Variants in RTTN observed in about 807,000 individuals in gnomAD.
The protein encoded by RTTN is rotatin.
A neutral mutation model predicts 269.2 loss-of-function variants in RTTN; 182 were observed. The ratio of observed to expected loss-of-function variants is 0.68; its 90% CI spans 0.60 to 0.76. The LOEUF is 0.76. RTTN is among the 30% of genes least tolerant of loss of function. The pLI, the probability that RTTN is intolerant of heterozygous loss-of-function variation, is 0.00. For missense variants in RTTN, 2,545 were observed against 2,608.6 expected (o/e 0.98, Z 0.53); for synonymous variants, 1,006 against 963.5 (o/e 1.04, Z -0.82).
rs928351502 is a variant in RTTN, at chr18:70,003,112, C to G, written c.*1039G>C. On this transcript the variant is annotated 3_prime_UTR_variant, in exon 49 of 49. Transcript: ENST00000640769. ...AATGCAGTGGCATGATCTCAGCTCA[C>G]TGCAACCTCCCTGCCTCCCAGGTTG... The G allele has an allele frequency of 7.0e-6, 1 of 142,870 alleles. No individual in the cohort carries two copies. The allele number at this position is 142,870 out of a possible 1,614,324, so 8.9% of individuals were successfully genotyped here. A position where few individuals can be genotyped will look rare whatever the true frequency, so the allele number is the denominator to read the frequency against.
intron 10 of RTTN, among the ~76,000 whole-genome samples, chr18:70,181,710 C>T (rs2061426058): frequency 2.0e-5 from 3 of 152,124 alleles, no homozygotes; most frequent in South Asian, 2.1e-4. Flanking sequence ...ATACTGCTTC[C>T]GTCTTTCTTT....
intron 43 of RTTN, among the ~76,000 whole-genome samples, chr18:70,028,307 A>G (rs943706963): frequency 1.3e-5 from 2 of 151,952 alleles, no homozygotes; most frequent in African/African-American, 2.4e-5. Flanking sequence ...GGATGTGGCC[A>G]CACTAGGTAG....
intron 32 of RTTN, among the ~76,000 whole-genome samples, chr18:70,081,759 G>A (rs1450813582): frequency 6.6e-6 from 1 of 152,108 alleles, no homozygotes; most frequent in African/African-American, 2.4e-5. Context: ...CTGGATCTTG[G>A]ATCCAGGATT....
intron 46 of RTTN, among the ~76,000 whole-genome samples, chr18:70,009,875 TGGAG>T (rs1329653517): frequency 6.6e-6 from 1 of 151,062 alleles, no homozygotes; most frequent in African/African-American, 2.4e-5. Flanking sequence ...AATAAAGGGA[TGGAG>T]GAAGATTTAC....
intron 36 of RTTN, among the ~76,000 whole-genome samples, chr18:70,058,279 G>A (rs1196493082): frequency 6.6e-6 from 1 of 152,210 alleles, no homozygotes; most frequent in African/African-American, 2.4e-5. Flanking sequence ...CACTTTGGGA[G>A]GCCAAGGTGG....
At position 70,135,246 on chromosome 18, in the gene RTTN, CACG is replaced by C; in HGVS notation, c.2820_2822del (p.Val941del). The stretch of plus-strand genomic sequence containing the variant: ...GACAAAATAGTGCTCCAACTTCAGT[CACG>C]ACACTACAATCTTCATGAAATATTA... On this transcript the variant is annotated inframe_deletion, in exon 22 of 49. Coordinates refer to ENST00000640769, the MANE Select transcript of RTTN (RefSeq NM_173630.4). 1.3e-6 allele frequency: 2 copies of C among 1,544,722 alleles called. No individual in the cohort carries two copies. The highest frequency in any genetic ancestry group is 1.7e-6 in the Non-Finnish European group (2 of 1,153,570).
rs773034780 is a variant in RTTN, at chr18:70,020,642, C to T, written c.6126G>A (p.Ser2042=). Residue 2042 remains serine, a synonymous_variant, in exon 45 of 49, where the codon TCG becomes TCA. Transcript: ENST00000640769. The part of the protein sequence containing the change: ...VFMLLSNLAL[S]HDCKGVIQKS... ...TCTGAATTACTCCTTTACAGTCATG[C>T]GACAAGGCCAGGTTTGAAAGAAGCA... 3.0e-5 allele frequency: 48 copies of T among 1,613,718 alleles called. No homozygotes were observed. Among genetic ancestry groups the T allele is most frequent in the Middle Eastern group, 3.3e-4 (2 of 6,082 alleles).
chr18:70,117,543 A>C (rs2059631760), intron 26 of RTTN, among the ~76,000 whole-genome samples: 1 of 152,074 alleles, frequency 6.6e-6, no homozygotes, highest in African/African-American at 2.4e-5. Context: ...TTTCCGAAGA[A>C]AGGTTTAATA....
Position 70,020,816 on chromosome 18 carries a change from A to T in RTTN, c.5952T>A (p.Gly1984=). The change falls in exon 45 of 49, where the codon GGT becomes GGA. Residue 1984 remains glycine (G), a splice_region_variant and synonymous_variant. Transcript: ENST00000640769. The part of the protein sequence containing the change: ...LCVYTANFPN[G]CSSLCWSSCG... Reference sequence around the variant, plus strand: ...AACTTGACCAACAAAGAGAACTGCAACCTTCAAAAATAACAGCCTATCACA... The same window carrying T: ...AACTTGACCAACAAAGAGAACTGCATCCTTCAAAAATAACAGCCTATCACA... 1 of 1,608,458 alleles carries T rather than the reference A, an allele frequency of 6.2e-7. No homozygotes were observed. The highest frequency in any genetic ancestry group is 8.5e-7 in the Non-Finnish European group (1 of 1,177,116).
chr18:70,201,253 G>A (rs1194075657), intron 4 of RTTN, among the ~76,000 whole-genome samples: 4 of 152,186 alleles, frequency 2.6e-5, no homozygotes, highest in Non-Finnish European at 4.4e-5. Flanking sequence ...TGGTGCCATC[G>A]TTAAGCTGGA....
At chr18:70,028,688 A>G in intron 43 of RTTN, 36 bp downstream of exon 43, 1 of 1,242,148 alleles carries the variant, frequency 8.1e-7, no homozygotes, top group Non-Finnish European at 1.2e-6. Context: ...TAATACCAGT[A>G]CTCCTATTAA....
intron 23 of RTTN, among the ~76,000 whole-genome samples, chr18:70,133,269 C>G (rs934917711): frequency 6.6e-6 from 1 of 152,134 alleles, no homozygotes; most frequent in South Asian, 2.1e-4. Flanking sequence ...ACCATTAAGA[C>G]TGGTAATGCA....
intron 8 of RTTN, among the ~76,000 whole-genome samples, chr18:70,192,669 C>CAAAAAAAAAAAAAAAAAAAAAAAAAAAAA (rs11313917): frequency 1.1e-5 from 1 of 89,884 alleles, no homozygotes; most frequent in African/African-American, 4.4e-5. Flanking sequence ...GACCTTGTCT[C>CAAAAAAAAAAAAAAAAAAAAAAAAAAAAA]AAAAAAAAAA....
At chr18:70,043,180 G>A (rs1194516618) in intron 40 of RTTN, among the ~76,000 whole-genome samples, 1 of 152,236 alleles carries the variant, frequency 6.6e-6, no homozygotes. Flanking sequence ...CTGAGAGGAT[G>A]TTTAATTCTG....
At chr18:70,085,123 G>A (rs2058669455) in intron 32 of RTTN, among the ~76,000 whole-genome samples, 1 of 152,118 alleles carries the variant, frequency 6.6e-6, no homozygotes, top group African/African-American at 2.4e-5. Context: ...ATTTGTATTT[G>A]AGCCAAAAAC....
intron 27 of RTTN, among the ~76,000 whole-genome samples, chr18:70,111,376 C>T (rs967596513): frequency 5.9e-5 from 9 of 152,128 alleles, no homozygotes; most frequent in Non-Finnish European, 1.5e-5. Context: ...AGGCAGCAAT[C>T]TTTGCTGTTC....
intron 8 of RTTN, among the ~76,000 whole-genome samples, chr18:70,192,147 A>G (rs2061686775): frequency 6.6e-6 from 1 of 152,214 alleles, no homozygotes; most frequent in African/African-American, 2.4e-5. Flanking sequence ...AAGTATGCAA[A>G]GCACAGGGCA....
chr18:70,068,935 A>C (rs1479259592), intron 34 of RTTN, among the ~76,000 whole-genome samples: 1 of 151,504 alleles, frequency 6.6e-6, no homozygotes, highest in Non-Finnish European at 1.5e-5. Flanking sequence ...CAAGCTTTTT[A>C]GAGCAGGCTG....
intron 40 of RTTN, among the ~76,000 whole-genome samples, chr18:70,040,673 A>G (rs1275425332): frequency 6.6e-6 from 1 of 152,220 alleles, no homozygotes. Flanking sequence ...CAGAATACAC[A>G]TTCTTCTCCT....
Sources: gnomAD v4.1 joint callset for allele counts (sites outside exome capture counted in the v4.1 genomes callset) on GRCh38, gnomAD v4.1.1 for gene constraint, MANE v1.5 for transcripts, NCBI Gene and HGNC (gene_info 2026-07-23, HGNC 2026-07-21) for gene names.